Variants in PCDHA12 observed in about 807,000 individuals in gnomAD.
The protein encoded by PCDHA12 is protocadherin alpha 12, also known as protocadherin alpha-12.
In PCDHA12, 44 loss-of-function variants were observed where a neutral mutation model predicts 60.0. The observed-to-expected ratio is 0.73, with a 90% CI of 0.58 to 0.94. The LOEUF (loss-of-function observed/expected upper bound fraction) is 0.94, where lower values mean the gene tolerates loss of function less well. Ranked by LOEUF, PCDHA12 falls within the 40% of genes least tolerant of loss-of-function variation. The probability of loss-of-function intolerance (pLI) is 0.00; values close to 1 mark genes in which losing one functional copy is unlikely to be tolerated. For synonymous variants in PCDHA12, 569 were observed against 553.0 expected (o/e 1.03, Z -0.40); for missense variants, 1,276 against 1,239.7 (o/e 1.03, Z -0.44).
At chr5:140,938,709 T>C (rs1473474040) in intron 1 of PCDHA12, among the ~76,000 whole-genome samples, 2 of 152,176 alleles carry the variant, frequency 1.3e-5, no homozygotes, top group African/African-American at 2.4e-5. Context: ...ATGTTTATGA[T>C]AGAAACGCGT....
intron 1 of PCDHA12, among the ~76,000 whole-genome samples, chr5:140,900,786 A>C (rs888308882): frequency 2.0e-5 from 3 of 152,152 alleles, no homozygotes; most frequent in African/African-American, 7.2e-5. Flanking sequence ...GAAACTCCAA[A>C]CTGTTCTCCA....
At chr5:140,960,405 C>T (rs2095547214) in intron 1 of PCDHA12, among the ~76,000 whole-genome samples, 1 of 151,828 alleles carries the variant, frequency 6.6e-6, no homozygotes, top group Non-Finnish European at 1.5e-5. Context: ...AGGGGGGGTG[C>T]CCAAAAAGTC....
At chr5:140,994,214 G>A (rs2153923643) in intron 3 of PCDHA12, among the ~76,000 whole-genome samples, 1 of 152,296 alleles carries the variant, frequency 6.6e-6, no homozygotes, top group South Asian at 2.1e-4. Flanking sequence ...ATGGGACCCA[G>A]GGTCTGTCTA....
intron 3 of PCDHA12, among the ~76,000 whole-genome samples, chr5:140,988,083 G>A (rs957131929): frequency 1.3e-5 from 2 of 152,292 alleles, no homozygotes; most frequent in Middle Eastern, 3.4e-3. Context: ...TCATGAGTGA[G>A]TGCAGCCTCG....
At chr5:140,966,259 G>C (rs1358322921) in intron 1 of PCDHA12, 1 of 340,612 alleles carries the variant, frequency 2.9e-6, no homozygotes, top group Non-Finnish European at 5.3e-6. Context: ...AGACGGTGGA[G>C]ACTGGATGAA....
chr5:140,876,621 A>G lies in PCDHA12; in HGVS notation c.1149A>G (p.Gly383=). The change falls in exon 1 of 4, where the codon GGA becomes GGG. Residue 383 remains glycine (G), a synonymous_variant. Transcript: ENST00000398631. ...CGGATCGTGACTCTGGAGCCAATGGACAGGTCATCTGCTCACTGACACCTC... is the reference window on the plus strand; with the variant it reads ...CGGATCGTGACTCTGGAGCCAATGGGCAGGTCATCTGCTCACTGACACCTC... ...SVSDRDSGAN[G]QVICSLTPHV... is the part of the protein sequence containing the mutation. The G allele has an allele frequency of 6.2e-7, 1 of 1,614,120 alleles. No individual in the cohort carries two copies. The highest frequency in any genetic ancestry group is 8.5e-7 in the Non-Finnish European group (1 of 1,180,026).
chr5:140,993,526 A>G (rs1554253825), intron 3 of PCDHA12, among the ~76,000 whole-genome samples: 1 of 147,824 alleles, frequency 6.8e-6, no homozygotes, highest in Admixed American at 6.7e-5. Flanking sequence ...AGAGAGACAG[A>G]GAGAGAGAGA....
At chr5:140,982,447 C>G (rs782801484) in intron 2 of PCDHA12, 28 bp from the exon 3 acceptor site, 1 of 1,613,782 alleles carries the variant, frequency 6.2e-7, no homozygotes, top group South Asian at 1.1e-5. Flanking sequence ...ATGATCTAAC[C>G]GTTATCTGGG....
rs782762108 is a variant in PCDHA12 at position 140,876,906 on chromosome 5, G to A, written c.1434G>A (p.Ser478=). 3.7e-6 allele frequency: 6 copies of A among 1,613,910 alleles called. No homozygotes were observed. In the African/African-American group the frequency reaches 8.0e-5, roughly 22 times the overall value. Residue 478 remains serine (S), a synonymous_variant, in exon 1 of 4, where the codon TCG becomes TCA. Transcript: ENST00000398631. ...NPPGCHIFTV[S]AWDADAQKNA... Reference sequence around the variant, plus strand: ...CGGGCTGCCACATCTTCACGGTGTCGGCATGGGACGCGGACGCGCAGAAGA... The same window carrying A: ...CGGGCTGCCACATCTTCACGGTGTCAGCATGGGACGCGGACGCGCAGAAGA...
intron 1 of PCDHA12, chr5:140,883,058 C>T (rs782098362): frequency 6.2e-7 from 1 of 1,614,074 alleles, no homozygotes; most frequent in Admixed American, 1.7e-5. Flanking sequence ...AGTGATCAAG[C>T]TAAATGCCAC....
intron 3 of PCDHA12, among the ~76,000 whole-genome samples, chr5:141,007,395 C>CAAAAAAAAA (rs35800918): frequency 8.4e-5 from 8 of 94,856 alleles, no homozygotes; most frequent in East Asian, 2.9e-4. Context: ...TACTAAAATA[C>CAAAAAAAAA]AAAAAAAAAA....
chr5:141,009,878 A>G lies in PCDHA12; in HGVS notation c.2767A>G (p.Asn923Asp). Residue 923 changes from asparagine to aspartate, a missense_variant, in exon 4 of 4, where the codon AAC (asparagine) becomes GAC (aspartate). Coordinates refer to ENST00000398631, the MANE Select transcript of PCDHA12 (RefSeq NM_018903.4). ...TKKKKKKKKG[N>D]KTQEKKEKGN... ...GAAAAAGAAGAAAAAGAAGAAGGGT[A>G]ACAAGACCCAGGAGAAAAAAGAGAA... is the stretch of plus-strand genomic sequence containing the variant. 4 of 1,613,898 alleles carry G rather than the reference A, an allele frequency of 2.5e-6. No homozygotes were observed. Among genetic ancestry groups the G allele is most frequent in the South Asian group, 1.1e-5 (1 of 91,050 alleles).
intron 1 of PCDHA12, among the ~76,000 whole-genome samples, chr5:140,958,131 G>A (rs1164407997): frequency 3.9e-5 from 6 of 152,076 alleles, no homozygotes; most frequent in African/African-American, 1.4e-4. Context: ...AAATGTATCA[G>A]TGTGTATATT....
chr5:140,980,428 G>A (rs868912779), intron 2 of PCDHA12, among the ~76,000 whole-genome samples: 5 of 152,028 alleles, frequency 3.3e-5, no homozygotes, highest in Admixed American at 2.6e-4. Flanking sequence ...TCAAGAGATC[G>A]AGACCATCCT....
At chr5:140,943,547 C>T (rs1376489824) in intron 1 of PCDHA12, among the ~76,000 whole-genome samples, 20 of 152,104 alleles carry the variant, frequency 1.3e-4, no homozygotes, top group African/African-American at 4.6e-4. Context: ...TGTAAATAGA[C>T]GTAGACAATA....
intron 1 of PCDHA12, chr5:140,966,759 C>G: frequency 6.9e-7 from 1 of 1,447,012 alleles, no homozygotes; most frequent in Non-Finnish European, 9.1e-7. Context: ...CCGCCGCGGC[C>G]AGTGGCTATG....
intron 1 of PCDHA12, among the ~76,000 whole-genome samples, chr5:140,926,036 C>A (rs2082873940): frequency 6.6e-6 from 1 of 152,168 alleles, no homozygotes; most frequent in South Asian, 2.1e-4. Context: ...TTGATGCGGA[C>A]ACTATTCCCC....
At chr5:140,926,598 G>A (rs2083387215) in intron 1 of PCDHA12, 1 of 313,802 alleles carries the variant, frequency 3.2e-6, no homozygotes. Flanking sequence ...CGGGCGGGCG[G>A]CCTCGTCTCT....
intron 1 of PCDHA12, among the ~76,000 whole-genome samples, chr5:140,945,334 A>G (rs1352254498): frequency 6.6e-6 from 1 of 152,134 alleles, no homozygotes; most frequent in Non-Finnish European, 1.5e-5. Flanking sequence ...TTTTATGTTC[A>G]TAGCTTGGAA....
Sources: allele counts gnomAD v4.1 joint callset (sites outside exome capture counted in the v4.1 genomes callset), GRCh38; gene constraint gnomAD v4.1.1; transcripts MANE v1.5; gene names NCBI Gene and HGNC (gene_info 2026-07-23, HGNC 2026-07-21).